MILR1: variants seen among roughly 807,000 people sequenced by gnomAD.
MILR1 encodes the protein mast cell immunoglobulin like receptor 1, also known as allergin-1.
In MILR1, 31 loss-of-function variants were observed where a neutral mutation model predicts 18.5. The ratio of observed to expected loss-of-function variants is 1.68; its 90% CI spans 1.26 to 2.26. The LOEUF is 2.26. MILR1 is among the 30% of genes most tolerant of loss of function. The pLI, the probability that MILR1 is intolerant of heterozygous loss-of-function variation, is 0.00. For missense variants in MILR1, 257 were observed against 157.4 expected (o/e 1.63, Z -3.38); for synonymous variants, 85 against 56.2 (o/e 1.51, Z -2.30).
At chr17:64,452,127 C>T (rs931040297) in intron 2 of MILR1, among the ~76,000 whole-genome samples, 3 of 147,310 alleles carry the variant, frequency 2.0e-5, no homozygotes, top group Non-Finnish European at 3.0e-5. Context: ...AAATTAGAGA[C>T]GAGGTCTCAC....
chr17:64,466,826 A>T (rs1555663421), intron 8 of MILR1, among the ~76,000 whole-genome samples, 164 bp downstream of exon 8: 1 of 152,114 alleles, frequency 6.6e-6, no homozygotes, highest in East Asian at 1.9e-4. Context: ...TCCTAAAAAA[A>T]TCTCATCAGG....
Position 64,458,422 on chromosome 17 carries a change from A to G in MILR1, c.652+738A>G, listed in dbSNP as rs1364866055. On this transcript the variant is annotated intron_variant, in intron 4 of 9. Transcript: ENST00000619286. ...GAGACGGGTTTTCACCATGTTGGCC[A>G]GACTGGTCTCGAACTCCTGGCCCCA... 5.9e-5 allele frequency among the ~76,000 whole-genome samples: 9 copies of G among 151,886 alleles called. No homozygotes were observed. In the East Asian group the frequency reaches 1.7e-3, roughly 30 times the overall value.
downstream of MILR1, among the ~76,000 whole-genome samples, chr17:64,472,164 T>C (rs2037695480): frequency 6.6e-6 from 1 of 151,948 alleles, no homozygotes; most frequent in Non-Finnish European, 1.5e-5. Flanking sequence ...AAATTACATT[T>C]AGAAATCATA....
downstream of MILR1, among the ~76,000 whole-genome samples, chr17:64,472,773 ACT>A (rs1287034959): frequency 1.3e-4 from 19 of 151,794 alleles, no homozygotes; most frequent in African/African-American, 4.6e-4. Context: ...GTGTGAGTAC[ACT>A]CTATGCTGTT....
Position 64,450,329 on chromosome 17 carries a change from G to A in MILR1, c.97+974G>A, listed in dbSNP as rs964382059. On this transcript the variant is annotated intron_variant, in intron 2 of 9. Coordinates refer to ENST00000619286, the MANE Select transcript of MILR1 (RefSeq NM_001085423.2). ...TCCCTGCTCCTCGTCACAGTGCCAG[G>A]CATATGGTAAACCATCCGTAAGTGA... 6.6e-5 allele frequency among the ~76,000 whole-genome samples: 10 copies of A among 152,252 alleles called. 1 individual carries two copies. Among genetic ancestry groups the A allele is most frequent in the African/African-American group, 2.2e-4 (9 of 41,560 alleles).
chr17:64,497,005 T>C, the MILR1 span: 3 of 1,572,722 alleles, frequency 1.9e-6, no homozygotes, highest in Non-Finnish European at 2.6e-6. Context: ...CTCCCATCAC[T>C]CAACGGATCC....
intron 6 of MILR1, among the ~76,000 whole-genome samples, chr17:64,466,085 C>T (rs1031179372): frequency 6.6e-6 from 1 of 152,184 alleles, no homozygotes; most frequent in African/African-American, 2.4e-5. Context: ...GAAGCAAACA[C>T]ATCCTTCTTC....
chr17:64,453,534 C>T (rs1018107468), intron 3 of MILR1, among the ~76,000 whole-genome samples: 5 of 133,356 alleles, frequency 3.7e-5, no homozygotes, highest in African/African-American at 6.0e-5. Flanking sequence ...GGGCAAAAAT[C>T]GCTTTTTTTT....
the MILR1 span, chr17:64,485,729 T>C: frequency 6.2e-7 from 1 of 1,612,010 alleles, no homozygotes; most frequent in Non-Finnish European, 8.5e-7. Flanking sequence ...CAACAGCACC[T>C]TTCTATGAAG....
chr17:64,454,822 T>C (rs900693609), intron 3 of MILR1, among the ~76,000 whole-genome samples: 20 of 151,880 alleles, frequency 1.3e-4, no homozygotes, highest in Non-Finnish European at 2.4e-4. Flanking sequence ...GTGGAGACTG[T>C]GTGTCTACAA....
At chr17:64,464,553 G>A (rs1351620912) in intron 5 of MILR1, among the ~76,000 whole-genome samples, 6 of 151,946 alleles carry the variant, frequency 3.9e-5, no homozygotes, top group Non-Finnish European at 7.4e-5. Context: ...CATCTCATAT[G>A]TCTTAAAAAC....
the MILR1 span, chr17:64,490,647 A>G: frequency 1.5e-6 from 1 of 675,108 alleles, no homozygotes; most frequent in Non-Finnish European, 2.7e-6. Context: ...TGATGACTGG[A>G]TTGTAGTTAT....
At chr17:64,477,592 G>T in the MILR1 span, among the ~76,000 whole-genome samples, 1 of 152,154 alleles carries the variant, frequency 6.6e-6, no homozygotes, top group Non-Finnish European at 1.5e-5. Context: ...TAGAGTTCTT[G>T]TATGTAAGAA....
intron 2 of MILR1, among the ~76,000 whole-genome samples, chr17:64,450,565 C>T (rs1183861475): frequency 7.5e-5 from 11 of 145,788 alleles, no homozygotes; most frequent in East Asian, 2.0e-4. Flanking sequence ...CTGCAACCTC[C>T]GCCTCCTGGG....
At chr17:64,483,320 C>T in the MILR1 span, among the ~76,000 whole-genome samples, 925 of 152,066 alleles carry the variant, frequency 6.1e-3, 11 homozygotes, top group African/African-American at 0.02. Context: ...TTGAGACCAG[C>T]CTGGGCAACA....
intron 9 of MILR1, chr17:64,467,997 C>G (rs2037618153): frequency 3.4e-6 from 1 of 297,502 alleles, no homozygotes; most frequent in Non-Finnish European, 6.6e-6. Flanking sequence ...TTTAGCTAGC[C>G]CTCCAGATTT....
At chr17:64,484,899 C>A in the MILR1 span, among the ~76,000 whole-genome samples, 4 of 152,080 alleles carry the variant, frequency 2.6e-5, no homozygotes, top group Non-Finnish European at 1.5e-5. Flanking sequence ...TGATTTGGGG[C>A]AGCTTCCTTT....
At chr17:64,480,964 C>G in the MILR1 span, among the ~76,000 whole-genome samples, 1 of 152,182 alleles carries the variant, frequency 6.6e-6, no homozygotes. Context: ...ATAAATGACA[C>G]AGTAAACTTA....
At chr17:64,485,421 C>T in the MILR1 span, 1 of 365,792 alleles carries the variant, frequency 2.7e-6, no homozygotes, top group African/African-American at 2.1e-5. Context: ...ACCAATGCTT[C>T]AGCTTCTGAT....
Sources: allele counts gnomAD v4.1 joint callset (sites outside exome capture counted in the v4.1 genomes callset), GRCh38; gene constraint gnomAD v4.1.1; transcripts MANE v1.5; gene names NCBI Gene and HGNC (gene_info 2026-07-23, HGNC 2026-07-21).